Variants in DIAPH1 observed in about 807,000 individuals in gnomAD.
DIAPH1 encodes the protein diaphanous related formin 1.
In DIAPH1, 46 loss-of-function variants were observed where a neutral mutation model predicts 140.7. The ratio of observed to expected loss-of-function variants is 0.33; its 90% confidence interval spans 0.26 to 0.42. DIAPH1 has a LOEUF of 0.42. DIAPH1 is among the 10% of genes least tolerant of loss of function. DIAPH1 has a pLI of 1.00. For synonymous variants in DIAPH1, 565 were observed against 551.6 expected (o/e 1.02, Z -0.34); for missense variants, 1,310 against 1,558.7 (o/e 0.84, Z 2.69).
At chr5:141,617,574 A>G (rs2099902890) in intron 1 of DIAPH1, among the ~76,000 whole-genome samples, 2 of 152,186 alleles carry the variant, frequency 1.3e-5, no homozygotes, top group African/African-American at 2.4e-5. Context: ...GGTGGGACTA[A>G]GAGTTACAAG....
chr5:141,606,195 A>C (rs2099900920), intron 1 of DIAPH1, among the ~76,000 whole-genome samples: 1 of 152,132 alleles, frequency 6.6e-6, no homozygotes, highest in Non-Finnish European at 1.5e-5. Context: ...TGCCACTAGT[A>C]CTTTTTGTGG....
intron 3 of DIAPH1, among the ~76,000 whole-genome samples, chr5:141,585,010 A>T (rs1457148928): frequency 6.6e-6 from 1 of 151,564 alleles, no homozygotes; most frequent in Non-Finnish European, 1.5e-5. Context: ...GCTGGAGTGC[A>T]ATGGCACAAT....
rs569561762 is a variant in DIAPH1 at position 141,573,206 on chromosome 5, A to G, written c.2358+286T>C. 1.1e-4 allele frequency among the ~76,000 whole-genome samples: 17 copies of G among 151,836 alleles called. No individual in the cohort carries two copies. The East Asian group carries it at 2.7e-3, about 24-fold the overall frequency. On this transcript the variant is annotated intron_variant, in intron 16 of 27. Coordinates refer to ENST00000389054, the MANE Select transcript of DIAPH1 (RefSeq NM_005219.5). ...AATCCCAGCACTTTGGGAGGCCGAG[A>G]CGGGCGGATCACGAGGTCAGGAGAT...
intron 6 of DIAPH1, 27 bp from the exon 7 acceptor site, chr5:141,582,402 G>A: frequency 6.4e-7 from 1 of 1,552,650 alleles, no homozygotes; most frequent in Non-Finnish European, 8.9e-7. Context: ...TAATCAGTGA[G>A]GTCCCTTTAT....
chr5:141,539,423 T>G (rs2099889599), intron 18 of DIAPH1, among the ~76,000 whole-genome samples: 1 of 127,096 alleles, frequency 7.9e-6, no homozygotes, highest in Admixed American at 7.4e-5. Flanking sequence ...GTTTTGTTTT[T>G]TTTTTTGTTT....
At chr5:141,543,845 A>AT (rs1337174121) in intron 18 of DIAPH1, among the ~76,000 whole-genome samples, 1 of 152,256 alleles carries the variant, frequency 6.6e-6, no homozygotes, top group African/African-American at 2.4e-5. Context: ...TGTGAATTAT[A>AT]TGTCAATACA....
chr5:141,574,304 A>G, intron 15 of DIAPH1, 96 bp from the exon 16 acceptor site: 1 of 1,233,270 alleles, frequency 8.1e-7, no homozygotes, highest in Non-Finnish European at 1.2e-6. Context: ...CAAACTTCTC[A>G]TGTTACAAAT....
intron 18 of DIAPH1, among the ~76,000 whole-genome samples, chr5:141,546,445 C>T (rs184858145): frequency 1.4e-4 from 21 of 152,190 alleles, no homozygotes; most frequent in Middle Eastern, 3.4e-3. Flanking sequence ...ATCACGAGGT[C>T]AGGAGTTCAA....
intron 27 of DIAPH1, among the ~76,000 whole-genome samples, chr5:141,519,370 G>A (rs188564462): frequency 1.3e-5 from 2 of 151,650 alleles, no homozygotes; most frequent in Admixed American, 6.6e-5. Context: ...AAGACACTGC[G>A]ACTCTGTGCA....
At chr5:141,600,661 C>T (rs901601340) in intron 1 of DIAPH1, among the ~76,000 whole-genome samples, 4 of 152,134 alleles carry the variant, frequency 2.6e-5, no homozygotes, top group African/African-American at 7.2e-5. Context: ...ATACCTCTTA[C>T]GACCACTGAG....
intron 18 of DIAPH1, among the ~76,000 whole-genome samples, chr5:141,555,136 T>TCTGATTACAACC (rs2099892369): frequency 6.6e-6 from 1 of 152,204 alleles, no homozygotes; most frequent in African/African-American, 2.4e-5. Flanking sequence ...CACGTCCCCC[T>TCTGATTACAACC]CTGATTACAA....
chr5:141,616,951 C>T (rs1439516700), intron 1 of DIAPH1, among the ~76,000 whole-genome samples: 2 of 152,144 alleles, frequency 1.3e-5, no homozygotes, highest in African/African-American at 4.8e-5. Flanking sequence ...GGTTTCTCAC[C>T]TTACAGTACC....
chr5:141,550,795 A>G lies in DIAPH1; in HGVS notation c.2483-16362T>C, dbSNP rs1374771124. On this transcript the variant is annotated intron_variant, in intron 18 of 27. Coordinates refer to ENST00000389054, the MANE Select transcript of DIAPH1 (RefSeq NM_005219.5). ...CAGCTATCCTTTCCTTGTTCTCTAC[A>G]GTCATTTCAAACCTGCTTGAGAGGA... is the stretch of plus-strand genomic sequence containing the variant. Among the ~76,000 whole-genome samples the G allele has an allele frequency of 4.6e-5, 7 of 152,262 alleles. No homozygotes were observed. In the Middle Eastern group the frequency reaches 0.01, roughly 222 times the overall value.
Position 141,557,429 on chromosome 5 carries a change from T to C in DIAPH1, c.2482+13999A>G, listed in dbSNP as rs919072849. ...GTTCATACTAGTCTCTTTACATATATGTGTGTATGTGTGCGTGCATTTTTT... is the reference window on the plus strand; with the variant it reads ...GTTCATACTAGTCTCTTTACATATACGTGTGTATGTGTGCGTGCATTTTTT... On this transcript the variant is annotated intron_variant, in intron 18 of 27. Coordinates refer to ENST00000389054, the MANE Select transcript of DIAPH1 (RefSeq NM_005219.5). Among the ~76,000 whole-genome samples, 14 of 152,186 alleles carry C rather than the reference T, an allele frequency of 9.2e-5. No homozygotes were observed. In the East Asian group the frequency reaches 2.7e-3, roughly 29 times the overall value.
At chr5:141,602,380 T>C (rs2099900287) in intron 1 of DIAPH1, among the ~76,000 whole-genome samples, 2 of 152,164 alleles carry the variant, frequency 1.3e-5, no homozygotes, top group Admixed American at 6.6e-5. Context: ...CTCACTCGGC[T>C]AATTTTTTGT....
intron 18 of DIAPH1, among the ~76,000 whole-genome samples, chr5:141,537,802 A>T (rs1236996180): frequency 6.6e-6 from 1 of 152,176 alleles, no homozygotes; most frequent in African/African-American, 2.4e-5. Flanking sequence ...TAGGTTATAT[A>T]CGTATATTGT....
chr5:141,527,395 GAC>G (rs2099887529), intron 24 of DIAPH1, among the ~76,000 whole-genome samples, 176 bp downstream of exon 24: 1 of 152,026 alleles, frequency 6.6e-6, no homozygotes, highest in African/African-American at 2.4e-5. Flanking sequence ...CAGCCTGGGT[GAC>G]ACAGAGAGAG....
chr5:141,575,594 A>G (rs2099895846), intron 14 of DIAPH1, among the ~76,000 whole-genome samples: 1 of 152,062 alleles, frequency 6.6e-6, no homozygotes, highest in African/African-American at 2.4e-5. Flanking sequence ...GGTTGCAGTG[A>G]GCCGAGATCG....
Position 141,618,937 on chromosome 5 carries a change from G to T in DIAPH1, c.-23C>A, listed in dbSNP as rs777902356. 11 of 1,400,888 alleles carry T rather than the reference G, an allele frequency of 7.9e-6. No individual in the cohort carries two copies. The South Asian group carries it at 1.1e-4, about 14-fold the overall frequency. 86.8% of individuals were successfully genotyped at this position (1,400,888 alleles called of 1,614,324 possible). On this transcript the variant is annotated 5_prime_UTR_variant, in exon 1 of 28. Transcript: ENST00000389054. ...CATGTCCCGGTTCACGCTGGCCGGC[G>T]ACCCCGCGCCTACGCCGCTCCCGCC...
Sources: allele counts gnomAD v4.1 joint callset (sites outside exome capture counted in the v4.1 genomes callset), GRCh38; gene constraint gnomAD v4.1.1; transcripts MANE v1.5; gene names NCBI Gene and HGNC (gene_info 2026-07-23, HGNC 2026-07-21).